LPP: variants seen among roughly 807,000 people sequenced by gnomAD.
LPP encodes the protein LIM domain containing preferred translocation partner in lipoma, also known as lipoma-preferred partner.
LPP carries 38 observed loss-of-function variants against 60.4 expected under a neutral mutation model. The observed-to-expected ratio is 0.63, with a 90% CI of 0.49 to 0.83. The LOEUF (loss-of-function observed/expected upper bound fraction) is 0.83. Among genes scored for constraint, LPP ranks in the 40% least tolerant of loss-of-function variants. The pLI is 0.00. For synonymous variants in LPP, 328 were observed against 290.8 expected, an observed-to-expected ratio of 1.13 and a Z score of -1.30; for missense variants, 902 against 783.6, an observed-to-expected ratio of 1.15 and a Z score of -1.80.
intron 8 of LPP, among the ~76,000 whole-genome samples, chr3:188,733,756 C>G (rs184957855): frequency 6.6e-6 from 1 of 151,222 alleles, no homozygotes; most frequent in East Asian, 1.9e-4. Context: ...GATTATTAGG[C>G]TACTGAAGTG....
chr3:188,706,633 T>C (rs1351718478), intron 7 of LPP, among the ~76,000 whole-genome samples: 1 of 152,222 alleles, frequency 6.6e-6, no homozygotes, highest in Non-Finnish European at 1.5e-5. Flanking sequence ...GGAGTTGTAG[T>C]AAATGTTGGG....
At chr3:188,262,984 G>GT (rs921158848) in intron 2 of LPP, among the ~76,000 whole-genome samples, 143 of 147,730 alleles carry the variant, frequency 9.7e-4, no homozygotes, top group Non-Finnish European at 1.1e-3. Context: ...AAAGAGTGCA[G>GT]TTTTTTTTTT....
chr3:188,385,759 G>A (rs139190124), intron 3 of LPP, among the ~76,000 whole-genome samples: 38 of 152,286 alleles, frequency 2.5e-4, no homozygotes, highest in African/African-American at 8.4e-4. Flanking sequence ...AGCTGTTTGT[G>A]CATCTGTTGG....
At chr3:188,861,847 G>C (rs1406472374) in intron 9 of LPP, among the ~76,000 whole-genome samples, 1 of 151,720 alleles carries the variant, frequency 6.6e-6, no homozygotes, top group Non-Finnish European at 1.5e-5. Flanking sequence ...AAATTTATAA[G>C]CTGTGACTTT....
intron 2 of LPP, among the ~76,000 whole-genome samples, chr3:188,326,598 A>G (rs192107114): frequency 6.6e-6 from 1 of 152,350 alleles, no homozygotes; most frequent in Non-Finnish European, 1.5e-5. Context: ...AGGTATTGAT[A>G]GTTAAAGTGG....
At chr3:188,638,059 C>A (rs1235694835) in intron 7 of LPP, among the ~76,000 whole-genome samples, 2 of 133,334 alleles carry the variant, frequency 1.5e-5, no homozygotes, top group Admixed American at 1.6e-4. Flanking sequence ...GAGACACAAC[C>A]AAAAAAGAGA....
intron 5 of LPP, among the ~76,000 whole-genome samples, chr3:188,496,577 A>G (rs899801515): frequency 1.3e-5 from 2 of 152,206 alleles, no homozygotes; most frequent in African/African-American, 4.8e-5. Flanking sequence ...CCAGGTTTCC[A>G]TGGCATTAAC....
rs187200657 is a variant in LPP at position 188,592,282 on chromosome 3, A to G, written c.430-16879A>G. On this transcript the variant is annotated intron_variant, in intron 6 of 11. Coordinates refer to ENST00000617246, the MANE Select transcript of LPP (RefSeq NM_001375462.1). The stretch of plus-strand genomic sequence containing the variant: ...CTGATATAATGTTAAATGAAAAATA[A>G]GATACAAAGCCACACATAAAGAGGG... Among the ~76,000 whole-genome samples the G allele has an allele frequency of 3.9e-5, 6 of 152,108 alleles. No individual in the cohort carries two copies. The East Asian group carries it at 1.2e-3, about 29-fold the overall frequency.
intron 7 of LPP, among the ~76,000 whole-genome samples, chr3:188,692,135 A>G (rs1361216851): frequency 3.3e-5 from 5 of 152,170 alleles, no homozygotes; most frequent in African/African-American, 7.2e-5. Flanking sequence ...AGTTGTTAGC[A>G]TCAAAAAATC....
At chr3:188,727,651 G>A (rs17671434) in intron 8 of LPP, among the ~76,000 whole-genome samples, 1 of 151,954 alleles carries the variant, frequency 6.6e-6, no homozygotes. Flanking sequence ...ACACAAATGG[G>A]CCTCATAATT....
intron 9 of LPP, among the ~76,000 whole-genome samples, chr3:188,799,875 A>G (rs1199735860): frequency 2.6e-5 from 4 of 152,300 alleles, no homozygotes; most frequent in South Asian, 2.1e-4. Flanking sequence ...GCACAAATAT[A>G]TAGAGTGAAA....
At chr3:188,380,408 G>T (rs1776552896) in intron 3 of LPP, among the ~76,000 whole-genome samples, 1 of 152,222 alleles carries the variant, frequency 6.6e-6, no homozygotes, top group South Asian at 2.1e-4. Flanking sequence ...TGCCTCTGCA[G>T]GACTCTGACC....
intron 7 of LPP, among the ~76,000 whole-genome samples, chr3:188,671,147 G>A (rs1298680002): frequency 6.6e-6 from 1 of 152,080 alleles, no homozygotes; most frequent in African/African-American, 2.4e-5. Context: ...CTCTTTTATG[G>A]CATTTAATAT....
chr3:188,551,103 C>T (rs1023773941), intron 6 of LPP, among the ~76,000 whole-genome samples: 14 of 152,030 alleles, frequency 9.2e-5, no homozygotes, highest in African/African-American at 3.4e-4. Context: ...ATTTTCACAC[C>T]GCTGATAAGG....
At chr3:188,354,201 T>C (rs1766826642) in intron 3 of LPP, among the ~76,000 whole-genome samples, 1 of 152,176 alleles carries the variant, frequency 6.6e-6, no homozygotes, top group Non-Finnish European at 1.5e-5. Context: ...CTTCTTTTTT[T>C]AATGTATATT....
At position 188,424,857 on chromosome 3, in the gene LPP, G is replaced by A. The variant is rs189316613; in HGVS notation, c.193+18544G>A. Among the ~76,000 whole-genome samples, 462 of 152,200 alleles carry A rather than the reference G, an allele frequency of 3.0e-3. 1 individual carries two copies. The highest frequency in any genetic ancestry group is 4.6e-3 in the Non-Finnish European group (311 of 68,004). On this transcript the variant is annotated intron_variant, in intron 4 of 11. Coordinates refer to ENST00000617246, the MANE Select transcript of LPP (RefSeq NM_001375462.1). ...AGGAGATTTTGGGTTGAGATTTTGGGATTTTCTAAATATGCAATCATGTCA... is the reference window on the plus strand; with the variant it reads ...AGGAGATTTTGGGTTGAGATTTTGGAATTTTCTAAATATGCAATCATGTCA...
rs148167482 is a variant in LPP at position 188,883,428 on chromosome 3, G to T, written c.*8949G>T. The T allele has an allele frequency of 2.5e-5, 5 of 202,100 alleles. No individual in the cohort carries two copies. The East Asian group carries it at 3.7e-4, about 15-fold the overall frequency. 12.5% of individuals were successfully genotyped at this position (202,100 alleles called of 1,614,324 possible). The stretch of plus-strand genomic sequence containing the variant: ...CCCTTTTATCTGACTTGTTGATAAT[G>T]ACCTTAAAAATGTTAGGAAATGGGC... On this transcript the variant is annotated 3_prime_UTR_variant, in exon 12 of 12. Coordinates refer to ENST00000617246, the MANE Select transcript of LPP (RefSeq NM_001375462.1).
At chr3:188,858,084 G>A (rs982055734) in intron 9 of LPP, among the ~76,000 whole-genome samples, 53 of 152,260 alleles carry the variant, frequency 3.5e-4, no homozygotes, top group African/African-American at 1.2e-3. Context: ...CTAGCTTTTC[G>A]AACCCAGATC....
At chr3:188,455,276 A>G (rs1797477985) in intron 4 of LPP, among the ~76,000 whole-genome samples, 1 of 152,174 alleles carries the variant, frequency 6.6e-6, no homozygotes. Context: ...AAAAGCACCA[A>G]CAAGGATTAA....
Sources: gnomAD v4.1 joint callset for allele counts (sites outside exome capture counted in the v4.1 genomes callset) on GRCh38, gnomAD v4.1.1 for gene constraint, MANE v1.5 for transcripts, NCBI Gene and HGNC (gene_info 2026-07-23, HGNC 2026-07-21) for gene names.